Variants in EYS observed in about 807,000 individuals in gnomAD.
EYS encodes the protein protein eyes shut homolog.
Under a neutral mutation model 282.1 loss-of-function variants are expected in EYS, and 250 were observed. The observed-to-expected ratio is 0.89, with a 90% CI of 0.80 to 0.98. EYS has a LOEUF of 0.98. Among genes scored for constraint, EYS ranks in the 50% least tolerant of loss-of-function variants. The pLI is 0.00. For synonymous variants in EYS, 1,355 were observed against 1,282.9 expected (o/e 1.06, Z -1.20); for missense variants, 4,016 against 3,709.0 (o/e 1.08, Z -2.15).
chr6:64,529,171 A>G (rs1435794066), intron 26 of EYS, among the ~76,000 whole-genome samples: 1 of 152,072 alleles, frequency 6.6e-6, no homozygotes, highest in Admixed American at 6.6e-5. Context: ...TGAACAAAGT[A>G]ATCCATGCCT....
chr6:65,622,445 G>A (rs576305451), intron 2 of EYS, among the ~76,000 whole-genome samples: 38 of 151,890 alleles, frequency 2.5e-4, no homozygotes, highest in African/African-American at 7.0e-4. Context: ...CATTATTATT[G>A]TAATATTATC....
rs569304024 is a variant in EYS at position 64,964,050 on chromosome 6, T to C, written c.2260-18136A>G. On this transcript the variant is annotated intron_variant, in intron 14 of 42. Transcript: ENST00000503581. ...GTTATCAACTGGATTTTATAAAACC[T>C]TACATCTATAACTTCTCAACAAATT... Among the ~76,000 whole-genome samples, 17 of 152,140 alleles carry C rather than the reference T, an allele frequency of 1.1e-4. No homozygotes were observed. The South Asian group carries it at 2.1e-3, about 19-fold the overall frequency.
At chr6:65,329,031 T>C (rs536808845) in intron 11 of EYS, among the ~76,000 whole-genome samples, 15 of 151,360 alleles carry the variant, frequency 9.9e-5, no homozygotes, top group Non-Finnish European at 2.1e-4. Context: ...GTTATACCTA[T>C]AAAAACGATT....
At chr6:63,855,443 A>G (rs1562061979) in intron 36 of EYS, among the ~76,000 whole-genome samples, 2 of 152,222 alleles carry the variant, frequency 1.3e-5, no homozygotes, top group East Asian at 3.8e-4. Context: ...CTCACTGATT[A>G]TATTATTAAG....
Position 64,593,120 on chromosome 6 carries a change from G to A in EYS, c.3874C>T (p.Gln1292Ter), listed in dbSNP as rs1766462821. The A allele has an allele frequency of 6.6e-7, 1 of 1,514,870 alleles. No individual in the cohort carries two copies. The highest frequency in any genetic ancestry group is 8.8e-7 in the Non-Finnish European group (1 of 1,133,754). 93.8% of individuals were successfully genotyped at this position (1,514,870 alleles called of 1,614,324 possible). A position where few individuals can be genotyped will look rare whatever the true frequency, so the allele number is the denominator to read the frequency against. ...PAIMDTYPVD[Q>*]GPKQTGIVKH... ...TATCTTACCCACTTCTACTTACCTT[G>A]ATCAACTGGGTAAGTGTCCATTATG... Residue 1292 changes from glutamine to a stop codon, truncating the protein, a stop_gained, in exon 25 of 43, where the codon CAA becomes TAA. Transcript: ENST00000503581. LOFTEE classifies it high-confidence loss of function.
intron 33 of EYS, among the ~76,000 whole-genome samples, chr6:64,000,261 G>A (rs891624381): frequency 7.5e-6 from 1 of 132,988 alleles, no homozygotes. Context: ...GCGCGATCTC[G>A]GCTCACGGCA....
chr6:64,073,430 A>T (rs1403870206), intron 32 of EYS, among the ~76,000 whole-genome samples: 1 of 151,810 alleles, frequency 6.6e-6, no homozygotes, highest in Admixed American at 6.6e-5. Context: ...ATGTAACCCT[A>T]GGATTCTATA....
chr6:64,154,756 A>C (rs1414391234), intron 31 of EYS, among the ~76,000 whole-genome samples: 6 of 152,162 alleles, frequency 3.9e-5, no homozygotes, highest in African/African-American at 1.4e-4. Flanking sequence ...TTGCAGTCAT[A>C]CTATTTTACA....
chr6:64,484,059 T>C (rs996427730), intron 26 of EYS, among the ~76,000 whole-genome samples: 2 of 151,618 alleles, frequency 1.3e-5, no homozygotes, highest in African/African-American at 4.8e-5. Context: ...TGTTCTTCAA[T>C]TGACTTTTTA....
chr6:64,709,949 T>G (rs1771151550), intron 22 of EYS, among the ~76,000 whole-genome samples: 2 of 152,220 alleles, frequency 1.3e-5, no homozygotes, highest in South Asian at 4.1e-4. Flanking sequence ...GATCAAATTG[T>G]GTTTTTTACT....
chr6:65,116,262 T>C (rs1274433622), intron 12 of EYS, among the ~76,000 whole-genome samples: 1 of 152,134 alleles, frequency 6.6e-6, no homozygotes, highest in East Asian at 1.9e-4. Flanking sequence ...TTACCAACCA[T>C]AGCACCCTCC....
intron 26 of EYS, among the ~76,000 whole-genome samples, chr6:64,538,212 T>C (rs1764589215): frequency 6.6e-6 from 1 of 152,196 alleles, no homozygotes; most frequent in Non-Finnish European, 1.5e-5. Context: ...GCTTGAGGTA[T>C]GTTGATGTAC....
At chr6:65,224,515 C>A (rs1208423398) in intron 12 of EYS, among the ~76,000 whole-genome samples, 2 of 151,710 alleles carry the variant, frequency 1.3e-5, no homozygotes, top group East Asian at 1.9e-4. Flanking sequence ...AGAAAAATAG[C>A]AAACTAAACA....
intron 22 of EYS, among the ~76,000 whole-genome samples, chr6:64,779,169 T>C (rs540895386): frequency 6.6e-6 from 1 of 152,270 alleles, no homozygotes; most frequent in East Asian, 1.9e-4. Flanking sequence ...TGAAAATTTG[T>C]GTACACTCAA....
At chr6:64,770,264 A>C (rs1259092867) in intron 22 of EYS, among the ~76,000 whole-genome samples, 1 of 152,054 alleles carries the variant, frequency 6.6e-6, no homozygotes, top group African/African-American at 2.4e-5. Flanking sequence ...ATATGTATAT[A>C]CAAACAGGAA....
chr6:64,426,363 G>A (rs1270819598), intron 28 of EYS, among the ~76,000 whole-genome samples: 1 of 152,162 alleles, frequency 6.6e-6, no homozygotes, highest in African/African-American at 2.4e-5. Flanking sequence ...AACAAAAGCT[G>A]TGTCAGTTGT....
At chr6:64,202,665 A>G (rs1359153577) in intron 31 of EYS, among the ~76,000 whole-genome samples, 1 of 152,164 alleles carries the variant, frequency 6.6e-6, no homozygotes, top group Non-Finnish European at 1.5e-5. Flanking sequence ...GTTTGGCAAA[A>G]GGACCTTGCA....
chr6:64,294,840 T>C (rs1247011424), intron 30 of EYS, among the ~76,000 whole-genome samples: 1 of 152,192 alleles, frequency 6.6e-6, no homozygotes, highest in African/African-American at 2.4e-5. Flanking sequence ...TTTATTCAAA[T>C]ATAAGTTATG....
At chr6:64,384,712 G>C (rs779164166) in intron 29 of EYS, among the ~76,000 whole-genome samples, 2 of 152,134 alleles carry the variant, frequency 1.3e-5, no homozygotes, top group Non-Finnish European at 2.9e-5. Context: ...TCTACCACCA[G>C]AGAGAAGGCA....
Sources: gnomAD v4.1 joint callset for allele counts (sites outside exome capture counted in the v4.1 genomes callset) on GRCh38, gnomAD v4.1.1 for gene constraint, MANE v1.5 for transcripts, NCBI Gene and HGNC (gene_info 2026-07-23, HGNC 2026-07-21) for gene names.